CXADR: variants seen among roughly 807,000 people sequenced by gnomAD.
The protein encoded by CXADR is CXADR cell adhesion molecule, also known as coxsackievirus and adenovirus receptor.
In CXADR, 20 loss-of-function variants were observed where a neutral mutation model predicts 40.3. That is an observed-to-expected ratio of 0.50 (90% confidence interval 0.35 to 0.72). The LOEUF is 0.72. Ranked by LOEUF, CXADR falls within the 30% of genes least tolerant of loss-of-function variation. The pLI is 0.01. For synonymous variants in CXADR, 150 were observed against 161.3 expected (o/e 0.93, Z 0.53); for missense variants, 332 against 449.1 (o/e 0.74, Z 2.36).
intron 7 of CXADR, among the ~76,000 whole-genome samples, chr21:17,586,398 T>TGC (rs1231430867): frequency 7.9e-6 from 1 of 126,378 alleles, no homozygotes; most frequent in East Asian, 2.8e-4. Context: ...ATATATATAA[T>TGC]GTGTATATAT....
intron 7 of CXADR, among the ~76,000 whole-genome samples, chr21:17,582,455 C>A (rs558107857): frequency 3.1e-4 from 17 of 54,826 alleles, no homozygotes; most frequent in Non-Finnish European, 5.5e-4. Context: ...AAGCCATTTC[C>A]AAACCATTCT....
rs1396433249 is a variant in CXADR at position 17,567,995 on chromosome 21, G to A, written c.*2303G>A. 1 of 984,822 alleles carries A rather than the reference G, an allele frequency of 1.0e-6. No homozygotes were observed. The highest frequency in any genetic ancestry group is 1.2e-6 in the Non-Finnish European group (1 of 829,834). 61.0% of individuals were successfully genotyped at this position (984,822 alleles called of 1,614,324 possible). A position where few individuals can be genotyped will look rare whatever the true frequency, so the allele number is the denominator to read the frequency against. On this transcript the variant is annotated 3_prime_UTR_variant, in exon 7 of 7. Transcript: ENST00000284878. ...CCAAATAGTACCAATACGTTTTCAA[G>A]TAGTTCTCACTGATAATTTAGTTGA...
At chr21:17,604,177 C>A in the CXADR span, 1 of 1,263,988 alleles carries the variant, frequency 7.9e-7, no homozygotes, top group Admixed American at 2.8e-5. Context: ...GGCGCAGTGG[C>A]TCACGCCTGT....
chr21:17,609,665 A>G, the CXADR span, among the ~76,000 whole-genome samples: 127 of 152,358 alleles, frequency 8.3e-4, no homozygotes, highest in Non-Finnish European at 1.3e-3. Flanking sequence ...TTCTACTTCT[A>G]TTTGCCCAAG....
At chr21:17,534,432 A>C (rs2060727809) in intron 1 of CXADR, among the ~76,000 whole-genome samples, 1 of 152,054 alleles carries the variant, frequency 6.6e-6, no homozygotes, top group Admixed American at 6.6e-5. Flanking sequence ...AGAGTTAATT[A>C]GTGTTAACAT....
chr21:17,559,668 G>GTTTTTTTTTTTTTT lies in CXADR; in HGVS notation c.571+537_571+538insTTTTTTTTTTTTTT, dbSNP rs1491548660. On this transcript the variant is annotated intron_variant, in intron 4 of 6. Transcript: ENST00000284878. ...TTAGTTACTTTGGTACTTTTTTTTGGGTTTTTTTTTTTTTTTTTTTTTTCC... is the reference window on the plus strand; with the variant it reads ...TTAGTTACTTTGGTACTTTTTTTTGGTTTTTTTTTTTTTTGTTTTTTTTTTTTTTTTTTTTTTCC... Among the ~76,000 whole-genome samples the GTTTTTTTTTTTTTT allele has an allele frequency of 4.7e-5, 5 of 106,208 alleles. 2 individuals carry two copies. The highest frequency in any genetic ancestry group is 9.2e-5 in the Non-Finnish European group (5 of 54,134). 69.7% of individuals were successfully genotyped at this position (106,208 alleles called of 152,430 possible). A position where few individuals can be genotyped will look rare whatever the true frequency, so the allele number is the denominator to read the frequency against.
chr21:17,557,296 T>G (rs756120152), intron 3 of CXADR, among the ~76,000 whole-genome samples: 1 of 152,182 alleles, frequency 6.6e-6, no homozygotes, highest in Non-Finnish European at 1.5e-5. Flanking sequence ...CCCACATTTC[T>G]CTACCCATCC....
downstream of CXADR, among the ~76,000 whole-genome samples, chr21:17,596,787 GTTCA>G (rs1228639274): frequency 6.6e-6 from 1 of 152,010 alleles, no homozygotes. Context: ...CTTTTAAGAT[GTTCA>G]TTGATACTGA....
chr21:17,585,620 C>A (rs567989835), intron 7 of CXADR, among the ~76,000 whole-genome samples: 21 of 152,078 alleles, frequency 1.4e-4, no homozygotes, highest in Non-Finnish European at 2.8e-4. Flanking sequence ...CAGGTTCAAG[C>A]GATTCTCCTG....
chr21:17,584,433 C>T (rs147189823), intron 7 of CXADR, among the ~76,000 whole-genome samples: 1 of 152,350 alleles, frequency 6.6e-6, no homozygotes. Flanking sequence ...TGCCATCCTG[C>T]ATTCACAAGT....
chr21:17,609,269 T>C, the CXADR span: 1 of 1,009,602 alleles, frequency 9.9e-7, no homozygotes, highest in Non-Finnish European at 1.4e-6. Context: ...TTTTATCTTG[T>C]ATTTCTTTGG....
At chr21:17,635,813 A>G in the CXADR span, among the ~76,000 whole-genome samples, 1 of 152,200 alleles carries the variant, frequency 6.6e-6, no homozygotes, top group Non-Finnish European at 1.5e-5. Flanking sequence ...TCAGCTTGCT[A>G]CTTCTACAAA....
the CXADR span, among the ~76,000 whole-genome samples, chr21:17,618,874 C>T: frequency 6.6e-6 from 1 of 152,188 alleles, no homozygotes. Context: ...GAAATTCTAA[C>T]TTATCCCTTG....
chr21:17,624,031 G>T, the CXADR span, among the ~76,000 whole-genome samples: 1 of 151,976 alleles, frequency 6.6e-6, no homozygotes, highest in East Asian at 1.9e-4. Context: ...TCCTTTTATC[G>T]TGTAAGGCTG....
At chr21:17,534,285 C>T (rs1344981835) in intron 1 of CXADR, among the ~76,000 whole-genome samples, 10 of 151,154 alleles carry the variant, frequency 6.6e-5, no homozygotes, top group African/African-American at 1.7e-4. Context: ...TTAGTAGAGA[C>T]GGGGTTTCGC....
chr21:17,533,420 A>T (rs2060703566), intron 1 of CXADR, among the ~76,000 whole-genome samples: 1 of 152,178 alleles, frequency 6.6e-6, no homozygotes, highest in South Asian at 2.1e-4. Context: ...TTTTATAGTG[A>T]CTTCAGAAAT....
chr21:17,560,828 A>T lies in CXADR; in HGVS notation c.694+4A>T. 1 of 1,612,584 alleles carries T rather than the reference A, an allele frequency of 6.2e-7. No individual in the cohort carries two copies. The highest frequency in any genetic ancestry group is 1.1e-5 in the South Asian group (1 of 90,874). ...TTGCGTCTAAACGTTGTCCCTCGTAAGTTATCTTCTTTCTGTTGGTGGTTT... is the reference window on the plus strand; with the variant it reads ...TTGCGTCTAAACGTTGTCCCTCGTATGTTATCTTCTTTCTGTTGGTGGTTT... On this transcript the variant is annotated splice_donor_region_variant and intron_variant, in intron 5 of 6. Coordinates refer to ENST00000284878, the MANE Select transcript of CXADR (RefSeq NM_001338.5).
At chr21:17,533,614 T>C (rs944521862) in intron 1 of CXADR, among the ~76,000 whole-genome samples, 1 of 152,168 alleles carries the variant, frequency 6.6e-6, no homozygotes, top group African/African-American at 2.4e-5. Context: ...TTCTTGGAGT[T>C]GTTATGAGAA....
At chr21:17,553,236 T>G (rs1601007479) in intron 3 of CXADR, among the ~76,000 whole-genome samples, 2 of 152,314 alleles carry the variant, frequency 1.3e-5, no homozygotes. Context: ...CAAGATGACT[T>G]GGGCACCCAA....
Sources: gnomAD v4.1 joint callset for allele counts (sites outside exome capture counted in the v4.1 genomes callset) on GRCh38, gnomAD v4.1.1 for gene constraint, MANE v1.5 for transcripts, NCBI Gene and HGNC (gene_info 2026-07-23, HGNC 2026-07-21) for gene names.